HEMK2: variants seen among roughly 807,000 people sequenced by gnomAD.
HEMK2 encodes HemK methyltransferase 2, ETF1 glutamine and histone H4 lysine.
chr21:28,657,384 C>A, the HEMK2 span, among the ~76,000 whole-genome samples: 1 of 152,032 alleles, frequency 6.6e-6, no homozygotes, highest in East Asian at 1.9e-4. Flanking sequence ...GTCCTATTTA[C>A]CTAAATTATG....
chr21:28,586,395 A>T, the HEMK2 span, among the ~76,000 whole-genome samples: 6 of 152,204 alleles, frequency 3.9e-5, no homozygotes, highest in Non-Finnish European at 7.4e-5. Context: ...AACTTAGGTT[A>T]TTTCTTGCAA....
chr21:28,638,892 C>T, the HEMK2 span, among the ~76,000 whole-genome samples: 3 of 152,320 alleles, frequency 2.0e-5, no homozygotes, highest in East Asian at 1.9e-4. Flanking sequence ...CTATTTGAGG[C>T]CCAAGCTCAC....
At chr21:28,876,385 C>A in the HEMK2 span, 1 of 1,599,628 alleles carries the variant, frequency 6.3e-7, no homozygotes, top group South Asian at 1.1e-5. Flanking sequence ...ACACTGTATG[C>A]TAAGACTTGG....
the HEMK2 span, among the ~76,000 whole-genome samples, chr21:28,735,073 T>G: frequency 2.0e-5 from 3 of 152,166 alleles, no homozygotes; most frequent in Non-Finnish European, 2.9e-5. Flanking sequence ...CCCAGAAGGC[T>G]AGTCTGGGCA....
At chr21:28,652,549 C>T in the HEMK2 span, among the ~76,000 whole-genome samples, 1 of 151,998 alleles carries the variant, frequency 6.6e-6, no homozygotes, top group Non-Finnish European at 1.5e-5. Context: ...ATCTTGCTCC[C>T]ATGAGGGGAA....
the HEMK2 span, among the ~76,000 whole-genome samples, chr21:28,735,873 T>C: frequency 6.6e-6 from 1 of 152,316 alleles, no homozygotes; most frequent in Non-Finnish European, 1.5e-5. Context: ...TATTCACAAG[T>C]GCCAACCACA....
the HEMK2 span, among the ~76,000 whole-genome samples, chr21:28,652,399 CT>C: frequency 6.6e-6 from 1 of 152,028 alleles, no homozygotes; most frequent in Non-Finnish European, 1.5e-5. Context: ...TCTTCCTTTT[CT>C]TTCTTTTTTC....
At chr21:28,701,690 A>C in the HEMK2 span, among the ~76,000 whole-genome samples, 2 of 152,146 alleles carry the variant, frequency 1.3e-5, no homozygotes, top group Non-Finnish European at 2.9e-5. Flanking sequence ...GGTGACATAA[A>C]CAAATGGAAA....
the HEMK2 span, among the ~76,000 whole-genome samples, chr21:28,745,503 T>G: frequency 6.6e-6 from 1 of 152,180 alleles, no homozygotes; most frequent in African/African-American, 2.4e-5. Context: ...CTCTCCTGCC[T>G]GTACCCCTCT....
chr21:28,642,335 G>A, the HEMK2 span, among the ~76,000 whole-genome samples: 1 of 152,222 alleles, frequency 6.6e-6, no homozygotes, highest in Non-Finnish European at 1.5e-5. Context: ...AATTCAGTCA[G>A]CCTGCCACTG....
chr21:28,709,991 G>T, the HEMK2 span, among the ~76,000 whole-genome samples: 1 of 152,156 alleles, frequency 6.6e-6, no homozygotes, highest in Non-Finnish European at 1.5e-5. Flanking sequence ...AACCACACCA[G>T]TCAAGGGTTT....
chr21:28,708,703 T>C, the HEMK2 span, among the ~76,000 whole-genome samples: 1 of 152,210 alleles, frequency 6.6e-6, no homozygotes, highest in South Asian at 2.1e-4. Flanking sequence ...AAGTAAATCA[T>C]ACAAGTCTGT....
At chr21:28,696,588 T>A in the HEMK2 span, among the ~76,000 whole-genome samples, 1 of 152,140 alleles carries the variant, frequency 6.6e-6, no homozygotes, top group Non-Finnish European at 1.5e-5. Flanking sequence ...GCAGTCTGGA[T>A]CTACCATTCT....
the HEMK2 span, among the ~76,000 whole-genome samples, chr21:28,622,437 T>C: frequency 1.3e-5 from 2 of 152,166 alleles, no homozygotes; most frequent in Non-Finnish European, 2.9e-5. Context: ...GCTATCCCCA[T>C]CAAGTTACCA....
At chr21:28,723,269 G>A in the HEMK2 span, among the ~76,000 whole-genome samples, 1 of 152,132 alleles carries the variant, frequency 6.6e-6, no homozygotes, top group African/African-American at 2.4e-5. Context: ...TTCCATCTCA[G>A]CCTCCTAAAG....
chr21:28,802,022 T>C, the HEMK2 span, among the ~76,000 whole-genome samples: 1 of 152,180 alleles, frequency 6.6e-6, no homozygotes, highest in Non-Finnish European at 1.5e-5. Context: ...AATTCTACTT[T>C]GGAGAATGTA....
chr21:28,724,219 C>T, the HEMK2 span, among the ~76,000 whole-genome samples: 1 of 152,010 alleles, frequency 6.6e-6, no homozygotes, highest in Non-Finnish European at 1.5e-5. Context: ...CAACATAATC[C>T]CTTGCTCAAA....
At chr21:28,633,205 G>T in the HEMK2 span, among the ~76,000 whole-genome samples, 5 of 152,172 alleles carry the variant, frequency 3.3e-5, no homozygotes, top group Admixed American at 2.6e-4. Flanking sequence ...GCAAGGCTGG[G>T]TCTCTACAGA....
the HEMK2 span, among the ~76,000 whole-genome samples, chr21:28,808,069 C>T: frequency 6.6e-6 from 1 of 152,000 alleles, no homozygotes; most frequent in South Asian, 2.1e-4. Flanking sequence ...AACAAGATTG[C>T]CCCCAAGATG....
Sources: allele counts gnomAD v4.1 joint callset (sites outside exome capture counted in the v4.1 genomes callset), GRCh38; gene constraint gnomAD v4.1.1; transcripts MANE v1.5; gene names NCBI Gene and HGNC (gene_info 2026-07-23, HGNC 2026-07-21).